TSPAN18: variants seen among roughly 807,000 people sequenced by gnomAD.
TSPAN18 encodes tetraspanin 18, also known as tetraspanin-18.
In TSPAN18, 14 loss-of-function variants were observed where a neutral mutation model predicts 27.3. The observed-to-expected ratio is 0.51, with a 90% confidence interval of 0.34 to 0.80. The LOEUF (loss-of-function observed/expected upper bound fraction) is 0.80. TSPAN18 is among the 30% of genes least tolerant of loss of function. The pLI is 0.01. For synonymous variants in TSPAN18, 143 were observed against 136.5 expected (o/e 1.05, Z -0.33); for missense variants, 268 against 323.9 (o/e 0.83, Z 1.32).
intron 9 of TSPAN18, among the ~76,000 whole-genome samples, chr11:44,928,067 G>C (rs1271033437): frequency 6.6e-6 from 1 of 152,152 alleles, no homozygotes; most frequent in Admixed American, 6.5e-5. Flanking sequence ...GAGCCTCCTG[G>C]TGATTTGGCC....
At chr11:44,732,031 T>C (rs1277312065) in intron 1 of TSPAN18, among the ~76,000 whole-genome samples, 1 of 152,260 alleles carries the variant, frequency 6.6e-6, no homozygotes, top group South Asian at 2.1e-4. Context: ...GTTCTTCTGT[T>C]GTGTTGCTTT....
At chr11:44,874,059 T>C (rs995014935) in intron 3 of TSPAN18, among the ~76,000 whole-genome samples, 8 of 151,956 alleles carry the variant, frequency 5.3e-5, no homozygotes, top group Non-Finnish European at 1.2e-4. Context: ...GCTTCAGGAG[T>C]TGAGTGGGGT....
chr11:44,855,570 A>T (rs768819195), intron 2 of TSPAN18, among the ~76,000 whole-genome samples: 3 of 152,184 alleles, frequency 2.0e-5, no homozygotes, highest in Non-Finnish European at 4.4e-5. Flanking sequence ...GAGAGGTTAA[A>T]TGACTTGCCT....
At chr11:44,801,057 T>C (rs928236130) in intron 2 of TSPAN18, among the ~76,000 whole-genome samples, 19 of 152,290 alleles carry the variant, frequency 1.2e-4, no homozygotes, top group South Asian at 2.1e-4. Context: ...CTCATATCTA[T>C]GGATGACTGG....
rs1564992506 is a variant in TSPAN18 at position 44,908,771 on chromosome 11, G to GGAAAGA, written c.64-934_64-933insGAAAGA. 1.5e-4 allele frequency among the ~76,000 whole-genome samples: 4 copies of GGAAAGA among 26,254 alleles called. 1 individual carries two copies. The highest frequency in any genetic ancestry group is 4.5e-4 in the Admixed American group (1 of 2,206). The allele number at this position is 26,254 out of a possible 152,430, so 17.2% of individuals were successfully genotyped here. On this transcript the variant is annotated intron_variant, in intron 4 of 9. Transcript: ENST00000520358. ...GAGAGAGAGAGAGAGAGAGAAAGGA[G>GGAAAGA]AAAGAAAGAAAGAAAGAAAGAAAGA...
intron 1 of TSPAN18, among the ~76,000 whole-genome samples, chr11:44,731,690 A>T (rs1049870463): frequency 3.4e-5 from 5 of 147,190 alleles, no homozygotes; most frequent in African/African-American, 1.3e-4. Context: ...AAGGGTGAAT[A>T]AGTTGCTTTT....
intron 2 of TSPAN18, among the ~76,000 whole-genome samples, chr11:44,792,088 G>A (rs115471084): frequency 0.013 from 2,017 of 152,208 alleles, 30 homozygotes; most frequent in African/African-American, 0.046. Flanking sequence ...TTTATAGACA[G>A]TATTTGTTTG....
At chr11:44,812,012 T>C (rs1297089566) in intron 2 of TSPAN18, among the ~76,000 whole-genome samples, 1 of 152,190 alleles carries the variant, frequency 6.6e-6, no homozygotes, top group Non-Finnish European at 1.5e-5. Flanking sequence ...TTGCTAGTGG[T>C]CGACTTCGGT....
chr11:44,768,002 AT>A (rs1209111570), intron 2 of TSPAN18, among the ~76,000 whole-genome samples: 1 of 152,212 alleles, frequency 6.6e-6, no homozygotes, highest in African/African-American at 2.4e-5. Context: ...TTATTACTGT[AT>A]CTTTATAGTA....
rs1344459963 is a variant in TSPAN18 at position 44,727,224 on chromosome 11, C to T, written c.-303C>T. 4.0e-5 allele frequency: 6 copies of T among 151,828 alleles called. No homozygotes were observed. The South Asian group carries it at 1.1e-3, about 29-fold the overall frequency. The allele number at this position is 151,828 out of a possible 1,614,324, so 9.4% of individuals were successfully genotyped here. A position where few individuals can be genotyped will look rare whatever the true frequency, so the allele number is the denominator to read the frequency against. ...CAAGTTGCGAGCGCGCCCCTCCGAC[C>T]AGGAAAGTTTCCCCCCGGCCGCCGG... On this transcript the variant is annotated 5_prime_UTR_variant, in exon 1 of 10. Transcript: ENST00000520358.
chr11:44,853,776 A>AGG (rs1479468332), intron 2 of TSPAN18, among the ~76,000 whole-genome samples: 7 of 152,140 alleles, frequency 4.6e-5, no homozygotes, highest in African/African-American at 1.4e-4. Flanking sequence ...CTGAGAGGAG[A>AGG]GGACCAGGGC....
rs779358464 is a variant in TSPAN18, at chr11:44,929,119, C to CT, written c.700-5dup. ...TGATAAGCCAGTTCCTGCTCTTTTT[C>CT]TTTTTTTGCAGCTTTTCGCCATGAT... On this transcript the variant is annotated splice_polypyrimidine_tract_variant and intron_variant, in intron 9 of 9. Coordinates refer to ENST00000520358, the MANE Select transcript of TSPAN18 (RefSeq NM_130783.5). The CT allele has an allele frequency of 5.0e-6, 8 of 1,613,146 alleles. No individual in the cohort carries two copies. Among genetic ancestry groups the CT allele is most frequent in the East Asian group, 4.5e-5 (2 of 44,872 alleles).
intron 2 of TSPAN18, among the ~76,000 whole-genome samples, chr11:44,776,093 A>C (rs948311047): frequency 1.3e-5 from 2 of 152,226 alleles, no homozygotes; most frequent in Non-Finnish European, 2.9e-5. Flanking sequence ...TGTAAATGTC[A>C]GTCTTCACCG....
At position 44,807,192 on chromosome 11, in the gene TSPAN18, TAAAAAAAAAAAAAAAAAAAAAAA is replaced by T. The variant is rs1046665098; in HGVS notation, c.-153+42702_-153+42724del. Among the ~76,000 whole-genome samples the T allele has an allele frequency of 2.1e-3, 140 of 67,336 alleles. 1 individual carries two copies. Among genetic ancestry groups the T allele is most frequent in the African/African-American group, 0.011 (131 of 12,260 alleles). 44.2% of individuals were successfully genotyped at this position (67,336 alleles called of 152,430 possible). A position where few individuals can be genotyped will look rare whatever the true frequency, so the allele number is the denominator to read the frequency against. Reference sequence around the variant, plus strand: ...GGCTAAGTAGCAAGACCCTGTCTCTTAAAAAAAAAAAAAAAAAAAAAAAAAAAAAAAAAAAAAAAAAAAAGAAG... The same window carrying T: ...GGCTAAGTAGCAAGACCCTGTCTCTTAAAAAAAAAAAAAAAAAAAAAGAAG... On this transcript the variant is annotated intron_variant, in intron 2 of 9. Coordinates refer to ENST00000520358, the MANE Select transcript of TSPAN18 (RefSeq NM_130783.5).
chr11:44,910,896 G>C (rs1221347456), intron 5 of TSPAN18, among the ~76,000 whole-genome samples: 1 of 152,188 alleles, frequency 6.6e-6, no homozygotes, highest in Non-Finnish European at 1.5e-5. Context: ...CTCCCATCTA[G>C]TTCCCCAACC....
chr11:44,864,197 G>T (rs935788069), intron 3 of TSPAN18, among the ~76,000 whole-genome samples: 2 of 146,186 alleles, frequency 1.4e-5, no homozygotes, highest in Non-Finnish European at 3.0e-5. Flanking sequence ...TGAGGTGGGA[G>T]AATTGCTTGA....
intron 2 of TSPAN18, among the ~76,000 whole-genome samples, chr11:44,808,932 T>C (rs1856658902): frequency 6.6e-6 from 1 of 152,158 alleles, no homozygotes; most frequent in Admixed American, 6.5e-5. Flanking sequence ...GTGCCTTGAC[T>C]CCTTTCCAGG....
At chr11:44,813,457 A>G (rs1006402753) in intron 2 of TSPAN18, among the ~76,000 whole-genome samples, 1 of 152,208 alleles carries the variant, frequency 6.6e-6, no homozygotes, top group African/African-American at 2.4e-5. Flanking sequence ...TCAAGTGCTC[A>G]GCACACGGTG....
At chr11:44,861,809 A>G (rs1280965756) in intron 3 of TSPAN18, among the ~76,000 whole-genome samples, 18 of 150,658 alleles carry the variant, frequency 1.2e-4, no homozygotes, top group Non-Finnish European at 4.4e-5. Context: ...ACACACACAC[A>G]CACACACACA....
Sources: allele counts gnomAD v4.1 joint callset (sites outside exome capture counted in the v4.1 genomes callset), GRCh38; gene constraint gnomAD v4.1.1; transcripts MANE v1.5; gene names NCBI Gene and HGNC (gene_info 2026-07-23, HGNC 2026-07-21).